Variants in USP54 observed in about 807,000 individuals in gnomAD.
USP54 encodes the protein ubiquitin specific peptidase 54.
USP54 carries 87 observed loss-of-function variants against 170.5 expected under a neutral mutation model. That is an observed-to-expected ratio of 0.51 (90% CI 0.43 to 0.61). The LOEUF is 0.61. USP54 is among the 20% of genes least tolerant of loss of function. USP54 has a pLI of 0.00. For missense variants in USP54, 1,786 were observed against 2,047.8 expected (o/e 0.87, Z 2.47); for synonymous variants, 655 against 742.8 (o/e 0.88, Z 1.92).
intron 1 of USP54, among the ~76,000 whole-genome samples, chr10:73,606,011 T>C (rs1589389878): frequency 1.3e-5 from 2 of 151,002 alleles, no homozygotes; most frequent in East Asian, 2.0e-4. Flanking sequence ...AACCCTGTCT[T>C]TACTAAAAAT....
At chr10:73,520,190 G>A in intron 18 of USP54, 198 bp from the exon 19 acceptor site, 1 of 711,310 alleles carries the variant, frequency 1.4e-6, no homozygotes, top group Middle Eastern at 4.1e-4. Flanking sequence ...TGGAAGCCAT[G>A]GAGGCCAAAC....
intron 19 of USP54, chr10:73,519,515 T>C (rs999586170): frequency 2.9e-5 from 12 of 414,422 alleles, no homozygotes; most frequent in African/African-American, 2.4e-4. Context: ...TATACAAATA[T>C]AATAATCGCG....
At chr10:73,520,149 C>T in intron 18 of USP54, 157 bp from the exon 19 acceptor site, 2 of 1,026,212 alleles carry the variant, frequency 1.9e-6, no homozygotes, top group Non-Finnish European at 2.8e-6. Flanking sequence ...GTCCAGGGCA[C>T]ACAGCTGCCT....
chr10:73,543,556 C>T (rs1259520830), intron 5 of USP54, among the ~76,000 whole-genome samples: 3 of 151,986 alleles, frequency 2.0e-5, no homozygotes, highest in Admixed American at 2.0e-4. Flanking sequence ...TTAGTAGAGA[C>T]GAGGTTTCAC....
At chr10:73,515,673 G>A (rs1034310308) in intron 20 of USP54, among the ~76,000 whole-genome samples, 2 of 152,140 alleles carry the variant, frequency 1.3e-5, no homozygotes, top group African/African-American at 4.8e-5. Context: ...AAGCAGACCT[G>A]GAGGCTGAAT....
intron 22 of USP54, among the ~76,000 whole-genome samples, chr10:73,502,447 G>T (rs942592015): frequency 1.3e-5 from 2 of 152,096 alleles, no homozygotes; most frequent in African/African-American, 4.8e-5. Flanking sequence ...CAAGTAGCTG[G>T]GACTACAGGC....
chr10:73,519,626 C>G (rs955514973), intron 19 of USP54, 171 bp downstream of exon 19: 1 of 976,690 alleles, frequency 1.0e-6, no homozygotes, highest in Admixed American at 2.7e-5. Context: ...AAGATAAGGA[C>G]CAGCAGTACA....
At chr10:73,513,922 C>A (rs1289325863) in intron 20 of USP54, among the ~76,000 whole-genome samples, 1 of 152,130 alleles carries the variant, frequency 6.6e-6, no homozygotes, top group Non-Finnish European at 1.5e-5. Flanking sequence ...TCAAGCAATT[C>A]TCCTGCCATC....
Position 73,498,745 on chromosome 10 carries a change from A to G in USP54, c.4939T>C (p.Tyr1647His). Residue 1647 changes from tyrosine (Y) to histidine (H), a missense_variant, in exon 24 of 24, where the codon TAT becomes CAT. Coordinates refer to ENST00000687698, the MANE Select transcript of USP54 (RefSeq NM_001391956.1). ...PPDDDWRQSS[Y>H]ASHSGHRRTV... is the part of the protein sequence containing the mutation. ...CTCCTGTGTCCAGAGTGGGAGGCAT[A>G]ACTGCTTTGCCTCCAGTCATCATCT... 6.2e-7 allele frequency: 1 copy of G among 1,613,928 alleles called. No homozygotes were observed. Among genetic ancestry groups the G allele is most frequent in the Non-Finnish European group, 8.5e-7 (1 of 1,179,914 alleles).
intron 10 of USP54, among the ~76,000 whole-genome samples, 182 bp downstream of exon 10, chr10:73,539,262 G>A (rs1590167194): frequency 7.4e-6 from 1 of 135,056 alleles, no homozygotes; most frequent in African/African-American, 2.8e-5. Flanking sequence ...CTGGGTGACA[G>A]AGTGAGACTC....
intron 1 of USP54, among the ~76,000 whole-genome samples, chr10:73,606,771 T>C (rs979991062): frequency 6.8e-6 from 1 of 147,732 alleles, no homozygotes; most frequent in South Asian, 2.1e-4. Flanking sequence ...CTCAGCTACT[T>C]GGGAGGCTGA....
intron 20 of USP54, among the ~76,000 whole-genome samples, chr10:73,508,227 C>A (rs567053381): frequency 1.1e-3 from 167 of 151,926 alleles, no homozygotes; most frequent in Non-Finnish European, 1.0e-3. Flanking sequence ...GCCAACATGG[C>A]GAAACCCTGT....
intron 1 of USP54, among the ~76,000 whole-genome samples, chr10:73,583,504 T>C (rs1444553696): frequency 6.6e-6 from 1 of 152,208 alleles, no homozygotes; most frequent in Non-Finnish European, 1.5e-5. Context: ...CAGGCTGGTC[T>C]CAAACTGCTG....
chr10:73,508,403 G>GAA (rs1243094191), intron 20 of USP54, among the ~76,000 whole-genome samples: 8 of 74,908 alleles, frequency 1.1e-4, no homozygotes, highest in African/African-American at 1.3e-4. Flanking sequence ...TGAGAATCCA[G>GAA]AAAAAAAAAA....
At chr10:73,577,328 C>G (rs1355024219) in intron 1 of USP54, among the ~76,000 whole-genome samples, 1 of 152,164 alleles carries the variant, frequency 6.6e-6, no homozygotes, top group Non-Finnish European at 1.5e-5. Context: ...TACAGCATGT[C>G]CAATGGAAAA....
intron 1 of USP54, among the ~76,000 whole-genome samples, chr10:73,601,469 C>G (rs1229697472): frequency 6.6e-6 from 1 of 151,882 alleles, no homozygotes; most frequent in African/African-American, 2.4e-5. Context: ...ACCTGATACT[C>G]ACACACACAT....
chr10:73,582,679 C>T (rs778981954), intron 1 of USP54, among the ~76,000 whole-genome samples: 5 of 152,202 alleles, frequency 3.3e-5, no homozygotes, highest in African/African-American at 7.2e-5. Flanking sequence ...GTGGCACAGG[C>T]GTGAACCACT....
At chr10:73,557,995 G>C (rs938949256) in intron 4 of USP54, among the ~76,000 whole-genome samples, 1 of 141,786 alleles carries the variant, frequency 7.1e-6, no homozygotes, top group African/African-American at 2.6e-5. Context: ...TGATTCTCCT[G>C]TCTCAGCCTC....
chr10:73,582,662 C>A (rs956259172), intron 1 of USP54, among the ~76,000 whole-genome samples: 1 of 152,152 alleles, frequency 6.6e-6, no homozygotes. Flanking sequence ...AAGTTGTGAA[C>A]CATGCGGTGG....
Sources: allele counts gnomAD v4.1 joint callset (sites outside exome capture counted in the v4.1 genomes callset), GRCh38; gene constraint gnomAD v4.1.1; transcripts MANE v1.5; gene names NCBI Gene and HGNC (gene_info 2026-07-23, HGNC 2026-07-21).